The following KRTCAP2 variants were observed in gnomAD, a reference collection of about 807,000 sequenced individuals.
KRTCAP2 encodes the protein dolichyl-diphosphooligosaccharide--protein glycosyltransferase subunit KCP2.
KRTCAP2 carries 10 observed loss-of-function variants against 16.5 expected under a neutral mutation model. The observed-to-expected ratio is 0.60, with a 90% CI of 0.37 to 1.02. The LOEUF (loss-of-function observed/expected upper bound fraction) is 1.02, where lower values mean the gene tolerates loss of function less well. KRTCAP2 is among the 50% of genes least tolerant of loss of function. KRTCAP2 has a pLI of 0.01. For synonymous variants in KRTCAP2, 68 were observed against 69.8 expected (o/e 0.97, Z 0.13); for missense variants, 152 against 159.6 (o/e 0.95, Z 0.26).
rs201918072 is a variant in KRTCAP2, at chr1:155,169,906, T to C, written c.224-49A>G. 83 of 1,251,338 alleles carry C rather than the reference T, an allele frequency of 6.6e-5. No individual in the cohort carries two copies. In the East Asian group the frequency reaches 2.0e-3, roughly 30 times the overall value. 77.5% of individuals were successfully genotyped at this position (1,251,338 alleles called of 1,614,324 possible). ...AGGGCAACGGTCAGAATGGAAATAC[T>C]AGGCATCTGCACATGGAGTCCAGGA... On this transcript the variant is annotated intron_variant, in intron 3 of 4. Transcript: ENST00000295682.
chr1:155,172,379 C>T (rs1665282244), intron 3 of KRTCAP2, 186 bp downstream of exon 3: 1 of 1,439,790 alleles, frequency 6.9e-7, no homozygotes, highest in East Asian at 2.5e-5. Context: ...AAGGCCTTCT[C>T]TTCCAGCTCC....
chr1:155,173,214 C>T lies in KRTCAP2; in HGVS notation c.4+7G>A, dbSNP rs376452045. On this transcript the variant is annotated splice_region_variant and intron_variant, in intron 1 of 4. Coordinates refer to ENST00000295682, the MANE Select transcript of KRTCAP2 (RefSeq NM_173852.4). ...GGACTTCCTGGGGACCCCACCGGTC[C>T]TGTTACCCATCATGCCCCGCCCGTG... 2.8e-5 allele frequency: 45 copies of T among 1,612,998 alleles called. No individual in the cohort carries two copies. The highest frequency in any genetic ancestry group is 4.0e-5 in the African/African-American group (3 of 74,912).
Position 155,172,898 on chromosome 1 carries a change from G to C in KRTCAP2, c.5-6C>G. On this transcript the variant is annotated splice_polypyrimidine_tract_variant and splice_region_variant and intron_variant, in intron 1 of 4. Transcript: ENST00000295682. ...CGAGGTGCCCGTACCCACCACTGGA[G>C]GGGATGGGAGAAGGGACGGAGAGTC... is the stretch of plus-strand genomic sequence containing the variant. The C allele has an allele frequency of 1.2e-6, 2 of 1,613,680 alleles. No homozygotes were observed. The highest frequency in any genetic ancestry group is 1.7e-6 in the Non-Finnish European group (2 of 1,179,864).
intron 3 of KRTCAP2, 25 bp from the exon 4 acceptor site, chr1:155,169,882 G>A (rs748726216): frequency 4.0e-6 from 6 of 1,513,084 alleles, no homozygotes; most frequent in African/African-American, 1.4e-5. Flanking sequence ...AGAACAAGGA[G>A]GGCAACGGTC....
chr1:155,170,173 A>C, intron 3 of KRTCAP2: 1 of 231,752 alleles, frequency 4.3e-6, no homozygotes, highest in South Asian at 5.9e-5. Context: ...AAAAAAATTG[A>C]ATTAAAAAAA....
chr1:155,170,810 TA>T (rs1402745686), intron 3 of KRTCAP2: 2 of 151,288 alleles, frequency 1.3e-5, no homozygotes, highest in South Asian at 2.1e-4. Context: ...CTTTTTTTAT[TA>T]TTTTTTTTTA....
rs368223709 is a variant in KRTCAP2, at chr1:155,173,280, C to G, written c.-56G>C. ...TCTGGCCAAGAAAGGCGAGCTGAAC[C>G]GGGTGCGGTTAGCTATGCGCATGCG... is the stretch of plus-strand genomic sequence containing the variant. On this transcript the variant is annotated 5_prime_UTR_variant, in exon 1 of 5. Coordinates refer to ENST00000295682, the MANE Select transcript of KRTCAP2 (RefSeq NM_173852.4). 2.5e-6 allele frequency: 4 copies of G among 1,613,932 alleles called. No homozygotes were observed. Among genetic ancestry groups the G allele is most frequent in the Admixed American group, 1.7e-5 (1 of 59,998 alleles).
At chr1:155,173,091 T>G (rs1302778337) in intron 1 of KRTCAP2, 130 bp downstream of exon 1, 1 of 994,124 alleles carries the variant, frequency 1.0e-6, no homozygotes, top group African/African-American at 1.6e-5. Context: ...AACCCTCCCG[T>G]CCGGTGGAAA....
At chr1:155,172,071 T>C in intron 3 of KRTCAP2, 1 of 992,718 alleles carries the variant, frequency 1.0e-6, no homozygotes, top group Non-Finnish European at 1.2e-6. Flanking sequence ...GAACAAGAAT[T>C]ATTCCAAACA....
At chr1:155,172,039 AT>A in intron 3 of KRTCAP2, 1 of 990,800 alleles carries the variant, frequency 1.0e-6, no homozygotes, top group Non-Finnish European at 1.2e-6. Flanking sequence ...TGAATCATCA[AT>A]TCTTGATTAC....
chr1:155,172,231 C>T (rs1665275674), intron 3 of KRTCAP2: 1 of 1,192,384 alleles, frequency 8.4e-7, no homozygotes, highest in Admixed American at 4.1e-5. Context: ...CCATAGTGAA[C>T]TTGGTCCTGC....
chr1:155,173,061 C>T, intron 1 of KRTCAP2, 160 bp downstream of exon 1: 2 of 938,152 alleles, frequency 2.1e-6, no homozygotes, highest in Non-Finnish European at 3.3e-6. Flanking sequence ...CCTACGTATT[C>T]CCCAGCCCCG....
Position 155,172,612 on chromosome 1 carries a change from T to A in KRTCAP2, c.176A>T (p.Glu59Val). Reference protein sequence around the residue: ...VFSLTAFNNLENLVFGKGFQA... With the variant: ...VFSLTAFNNLVNLVFGKGFQA... ...GAATCCTTTGCCAAAGACAAGATTC[T>A]CCAGATTATTGAAGGCCTGGTTGAG... The change falls in exon 3 of 5, where the codon GAG becomes GTG. Residue 59 changes from glutamate to valine, a missense_variant. Transcript: ENST00000295682. 1 of 1,614,244 alleles carries A rather than the reference T, an allele frequency of 6.2e-7. No individual in the cohort carries two copies. The highest frequency in any genetic ancestry group is 8.5e-7 in the Non-Finnish European group (1 of 1,180,044).
At chr1:155,171,866 A>G in intron 3 of KRTCAP2, 1 of 980,108 alleles carries the variant, frequency 1.0e-6, no homozygotes. Flanking sequence ...AAAAAAAAAA[A>G]AAAGAGAAAA....
chr1:155,171,493 C>T (rs1665242934), intron 3 of KRTCAP2: 3 of 984,382 alleles, frequency 3.0e-6, no homozygotes, highest in Non-Finnish European at 3.6e-6. Context: ...AGTCCCGGGG[C>T]TACTGGATGG....
At position 155,171,453 on chromosome 1, in the gene KRTCAP2, T is replaced by C. The variant is rs893425171; in HGVS notation, c.223+1112A>G. On this transcript the variant is annotated intron_variant, in intron 3 of 4. Coordinates refer to ENST00000295682, the MANE Select transcript of KRTCAP2 (RefSeq NM_173852.4). ...AAAAAAAAGAAGCAAGTGAAGGTAA[T>C]ACATATGGAAACAAAACCTAACAGA... is the stretch of plus-strand genomic sequence containing the variant. The C allele has an allele frequency of 4.1e-6, 4 of 969,746 alleles. No individual in the cohort carries two copies. The African/African-American group carries it at 5.6e-5, about 13-fold the overall frequency. The allele number at this position is 969,746 out of a possible 1,614,324, so 60.1% of individuals were successfully genotyped here. A position where few individuals can be genotyped will look rare whatever the true frequency, so the allele number is the denominator to read the frequency against.
Position 155,173,239 on chromosome 1 carries a change from G to C in KRTCAP2, c.-15C>G, listed in dbSNP as rs1043681919. 1.9e-6 allele frequency: 3 copies of C among 1,614,010 alleles called. No homozygotes were observed. The highest frequency in any genetic ancestry group is 8.5e-7 in the Non-Finnish European group (1 of 1,180,016). ...CTGTTACCCATCATGCCCCGCCCGT[G>C]AGTCCAACCGGCGCCTCTGGCCAAG... On this transcript the variant is annotated 5_prime_UTR_variant, in exon 1 of 5. Coordinates refer to ENST00000295682, the MANE Select transcript of KRTCAP2 (RefSeq NM_173852.4).
At chr1:155,172,214 CAGAACTCCAT>C in intron 3 of KRTCAP2, 1 of 1,145,184 alleles carries the variant, frequency 8.7e-7, no homozygotes, top group Non-Finnish European at 1.1e-6. Context: ...AACTTCACAT[CAGAACTCCAT>C]AGTGAACTTG....
Position 155,169,783 on chromosome 1 carries a change from G to C in KRTCAP2, c.290+8C>G, listed in dbSNP as rs750483247. ...GCTACACCCCTTACCCAGCTGTCAA[G>C]AACATACCAGGTGGTGACACAGACT... On this transcript the variant is annotated splice_region_variant and intron_variant, in intron 4 of 4. Transcript: ENST00000295682. 1.3e-6 allele frequency: 2 copies of C among 1,589,968 alleles called. No homozygotes were observed. Among genetic ancestry groups the C allele is most frequent in the Admixed American group, 1.8e-5 (1 of 56,498 alleles).
Sources: allele counts gnomAD v4.1 joint callset, GRCh38; gene constraint gnomAD v4.1.1; transcripts MANE v1.5; gene names NCBI Gene and HGNC (gene_info 2026-07-23, HGNC 2026-07-21).